CKAP2: variants seen among roughly 807,000 people sequenced by gnomAD.
The protein encoded by CKAP2 is cytoskeleton associated protein 2.
In CKAP2, 46 loss-of-function variants were observed where a neutral mutation model predicts 58.4. The ratio of observed to expected loss-of-function variants is 0.79; its 90% CI spans 0.62 to 1.01. The LOEUF (loss-of-function observed/expected upper bound fraction) is 1.01, where lower values mean the gene tolerates loss of function less well. Among genes scored for constraint, CKAP2 ranks in the 50% least tolerant of loss-of-function variants. The pLI, the probability that CKAP2 is intolerant of heterozygous loss-of-function variation, is 0.00. For missense variants in CKAP2, 809 were observed against 796.4 expected (o/e 1.02, Z -0.19); for synonymous variants, 293 against 280.9 (o/e 1.04, Z -0.43).
chr13:52,461,292 A>T lies in CKAP2; in HGVS notation c.466A>T (p.Lys156Ter). 1 of 1,613,954 alleles carries T rather than the reference A, an allele frequency of 6.2e-7. No homozygotes were observed. Among genetic ancestry groups the T allele is most frequent in the Non-Finnish European group, 8.5e-7 (1 of 1,180,000 alleles). Residue 156 changes from lysine (K) to a stop codon, truncating the protein, a stop_gained, in exon 4 of 9, where the codon AAA becomes TAA. Transcript: ENST00000258607. LOFTEE classifies it high-confidence loss of function. Reference protein sequence around the residue: ...AFHLKNNSKKKQMTTEKQKQD... With the variant: ...AFHLKNNSKK The stretch of plus-strand genomic sequence containing the variant: ...TCACCTTAAAAACAATAGTAAAAAG[A>T]AACAAATGACTACAGAAAAACAAAA...
intron 6 of CKAP2, chr13:52,465,957 A>ACATATATATG: frequency 3.6e-6 from 1 of 279,902 alleles, no homozygotes; most frequent in South Asian, 3.6e-5. Flanking sequence ...ATATATATGC[A>ACATATATATG]CACATATATA....
intron 6 of CKAP2, 38 bp downstream of exon 6, chr13:52,465,503 T>A (rs1268328857): frequency 1.3e-6 from 2 of 1,539,792 alleles, no homozygotes; most frequent in Non-Finnish European, 1.8e-6. Flanking sequence ...AATTACAGTG[T>A]AGTAGACAAT....
intron 7 of CKAP2, among the ~76,000 whole-genome samples, chr13:52,470,660 T>C (rs1270161774): frequency 6.6e-6 from 1 of 152,190 alleles, no homozygotes; most frequent in Non-Finnish European, 1.5e-5. Flanking sequence ...TTGGAGGTCA[T>C]GCTTCTAATG....
At chr13:52,470,111 C>CTT (rs34623381) in intron 7 of CKAP2, among the ~76,000 whole-genome samples, 6 of 139,098 alleles carry the variant, frequency 4.3e-5, no homozygotes, top group East Asian at 2.1e-4. Flanking sequence ...TGAACTTTTT[C>CTT]TTTTTTTTTT....
rs1336991174 is a variant in CKAP2, at chr13:52,461,112, G to C, written c.286G>C (p.Gly96Arg). The C allele has an allele frequency of 6.2e-7, 1 of 1,609,686 alleles. No homozygotes were observed. The highest frequency in any genetic ancestry group is 1.3e-5 in the African/African-American group (1 of 74,642). The stretch of plus-strand genomic sequence containing the variant: ...AGAGAGCAAAAATAATACAGTGGTG[G>C]GGAAACATTGTATTCCTTTAAAACC... ...PAESKNNTVV[G>R]KHCIPLKPSN... Residue 96 changes from glycine (G) to arginine (R), a missense_variant, in exon 4 of 9, where the codon GGG (glycine) becomes CGG (arginine). By Grantham distance (125) the Gly-to-Arg change is moderately radical (BLOSUM62 -2). This residue lies in a region of CKAP2 where 523 missense variants were observed against 492.4 expected (regional missense o/e 1.06). Transcript: ENST00000258607.
chr13:52,468,444 G>C (rs774659028), intron 7 of CKAP2, 97 bp downstream of exon 7: 8 of 684,796 alleles, frequency 1.2e-5, no homozygotes, highest in Non-Finnish European at 2.0e-5. Context: ...ACGTGTGCAG[G>C]ATGTGCAGGT....
Position 52,475,095 on chromosome 13 carries a change from C to G in CKAP2, c.2003C>G (p.Pro668Arg). ...GRETDAFVCRPNAALCRVYYE... is the reference protein window; with the variant it reads ...GRETDAFVCRRNAALCRVYYE... ...GAAACTGATGCTTTTGTATGCCGCC[C>G]TAATGCAGCACTGTGCCGGGTGTAC... is the stretch of plus-strand genomic sequence containing the variant. Residue 668 changes from proline (P) to arginine (R), a missense_variant, in exon 9 of 9, where the codon CCT becomes CGT. This residue lies in a region of CKAP2 where 283 missense variants were observed against 287.6 expected (regional missense o/e 0.98). Coordinates refer to ENST00000258607, the MANE Select transcript of CKAP2 (RefSeq NM_018204.5). 1 of 1,614,170 alleles carries G rather than the reference C, an allele frequency of 6.2e-7. No homozygotes were observed. The highest frequency in any genetic ancestry group is 1.3e-5 in the African/African-American group (1 of 75,038).
In CKAP2 at chr13:52,475,598, T is replaced by C. The variant is rs1389088846; in HGVS notation, c.*457T>C. On this transcript the variant is annotated 3_prime_UTR_variant, in exon 9 of 9. Transcript: ENST00000258607. ...TTTTTTTTGGCCTTTCTCAGATTAG[T>C]CAAAAATTCTATAGAATGACTCACT... The C allele has an allele frequency of 1.3e-5, 2 of 153,098 alleles. No individual in the cohort carries two copies. The highest frequency in any genetic ancestry group is 4.8e-5 in the African/African-American group (2 of 41,444). 9.5% of individuals were successfully genotyped at this position (153,098 alleles called of 1,614,324 possible).
intron 7 of CKAP2, among the ~76,000 whole-genome samples, chr13:52,471,334 G>A (rs538357943): frequency 6.6e-6 from 1 of 152,302 alleles, no homozygotes; most frequent in African/African-American, 2.4e-5. Flanking sequence ...GATAGTACTA[G>A]TTGGTGTTTT....
chr13:52,455,615 C>A lies in CKAP2; in HGVS notation c.59C>A (p.Ser20Tyr), dbSNP rs1480564191. 1.2e-6 allele frequency: 2 copies of A among 1,610,328 alleles called. No homozygotes were observed. Among genetic ancestry groups the A allele is most frequent in the Admixed American group, 1.7e-5 (1 of 59,834 alleles). ...LQLPPSQRAQSAFKEQRRQKL... is the reference protein window; with the variant it reads ...LQLPPSQRAQYAFKEQRRQKL... ...CTGCCCCCGAGTCAGAGGGCGCAGT[C>A]CGCATTCAAAGGTGAAGGCCGCGGT... The change falls in exon 1 of 9, where the codon TCC (serine) becomes TAC (tyrosine). Residue 20 changes from serine to tyrosine, a missense_variant. Physicochemically the swap from Ser to Tyr is moderately radical, Grantham distance 144. Around this residue, in one of 3 missense-constraint regions of CKAP2, gnomAD observed 523 missense variants for 492.4 expected, o/e 1.06. Coordinates refer to ENST00000258607, the MANE Select transcript of CKAP2 (RefSeq NM_018204.5).
At chr13:52,465,258 T>C (rs763535467) in intron 5 of CKAP2, 37 bp from the exon 6 acceptor site, 1 of 1,563,036 alleles carries the variant, frequency 6.4e-7, no homozygotes, top group Admixed American at 1.8e-5. Flanking sequence ...CTTTGTAAGC[T>C]AAAAAATATT....
At chr13:52,472,249 AGTT>A (rs1183243780) in intron 7 of CKAP2, among the ~76,000 whole-genome samples, 1 of 152,048 alleles carries the variant, frequency 6.6e-6, no homozygotes, top group African/African-American at 2.4e-5. Context: ...TGTACTATGT[AGTT>A]GTTTGTCCTG....
At position 52,461,587 on chromosome 13, in the gene CKAP2, C is replaced by A; in HGVS notation, c.761C>A (p.Pro254His). The change falls in exon 4 of 9, where the codon CCT becomes CAT. Residue 254 changes from proline to histidine, a missense_variant. Pro to His is a moderately conservative substitution (Grantham distance 77). This residue lies in a region of CKAP2 where 523 missense variants were observed against 492.4 expected (regional missense o/e 1.06). Transcript: ENST00000258607. ...TCTCAGAACACACAACTTGTGCGAC[C>A]TCCTATTAGAAGTCATCACAGTAAT... ...TTSQNTQLVRPPIRSHHSNTR... is the reference protein window; with the variant it reads ...TTSQNTQLVRHPIRSHHSNTR... 6.2e-7 allele frequency: 1 copy of A among 1,614,118 alleles called. No individual in the cohort carries two copies. Among genetic ancestry groups the A allele is most frequent in the Non-Finnish European group, 8.5e-7 (1 of 1,180,004 alleles).
intron 7 of CKAP2, 79 bp downstream of exon 7, chr13:52,468,426 T>G: frequency 1.2e-6 from 1 of 845,052 alleles, no homozygotes; most frequent in Non-Finnish European, 1.9e-6. Context: ...TATTTTAAGA[T>G]CAGGAGTACG....
intron 7 of CKAP2, among the ~76,000 whole-genome samples, chr13:52,471,508 TAA>T (rs748000834): frequency 2.2e-4 from 32 of 142,264 alleles, no homozygotes; most frequent in Admixed American, 2.1e-4. Flanking sequence ...AGAAGAGGGT[TAA>T]AAAAAAAAAA....
At chr13:52,455,743 T>C in intron 1 of CKAP2, 117 bp downstream of exon 1, 1 of 1,187,496 alleles carries the variant, frequency 8.4e-7, no homozygotes. Flanking sequence ...CTCTGTGAGA[T>C]CCCTGAACGC....
chr13:52,475,124 G>A lies in CKAP2; in HGVS notation c.2032G>A (p.Glu678Lys). ...PNAALCRVYY[E>K]ADTT ...TGCAGCACTGTGCCGGGTGTACTAT[G>A]AGGCTGATACAACATAAGAGAAATA... The change falls in exon 9 of 9, where the codon GAG becomes AAG. Residue 678 changes from glutamate to lysine, a missense_variant. Physicochemically the swap from Glu to Lys is moderately conservative, Grantham distance 56. This residue lies in a region of CKAP2 where 283 missense variants were observed against 287.6 expected (regional missense o/e 0.98). Transcript: ENST00000258607. The A allele has an allele frequency of 6.2e-7, 1 of 1,614,106 alleles. No individual in the cohort carries two copies. The highest frequency in any genetic ancestry group is 8.5e-7 in the Non-Finnish European group (1 of 1,180,002).
At chr13:52,472,969 G>C (rs1594144905) in intron 7 of CKAP2, among the ~76,000 whole-genome samples, 1 of 151,998 alleles carries the variant, frequency 6.6e-6, no homozygotes, top group Non-Finnish European at 1.5e-5. Flanking sequence ...CTTGAACCTG[G>C]GAAGTTGAGG....
chr13:52,457,655 C>T (rs1594132664), intron 2 of CKAP2, among the ~76,000 whole-genome samples: 1 of 152,202 alleles, frequency 6.6e-6, no homozygotes, highest in Non-Finnish European at 1.5e-5. Context: ...GAGATCAAGA[C>T]CAGCCTGGCT....
Sources: allele counts gnomAD v4.1 joint callset (sites outside exome capture counted in the v4.1 genomes callset), GRCh38; gene constraint gnomAD v4.1.1; regional missense constraint gnomAD v4.1.1; transcripts MANE v1.5; gene names NCBI Gene and HGNC (gene_info 2026-07-23, HGNC 2026-07-21).